TRPC4: variants seen among roughly 807,000 people sequenced by gnomAD.
The protein encoded by TRPC4 is transient receptor potential cation channel subfamily C member 4.
A neutral mutation model predicts 99.4 loss-of-function variants in TRPC4; 49 were observed. The observed-to-expected ratio is 0.49, with a 90% CI of 0.39 to 0.63. The LOEUF (loss-of-function observed/expected upper bound fraction) is 0.63, where lower values mean the gene tolerates loss of function less well. TRPC4 is among the 20% of genes least tolerant of loss of function. The pLI is 0.00. For synonymous variants in TRPC4, 454 were observed against 425.9 expected (o/e 1.07, Z -0.81); for missense variants, 898 against 1,152.9 (o/e 0.78, Z 3.20).
At chr13:37,639,481 T>C (rs1331672858) in intron 8 of TRPC4, among the ~76,000 whole-genome samples, 182 bp from the exon 9 acceptor site, 1 of 152,112 alleles carries the variant, frequency 6.6e-6, no homozygotes, top group African/African-American at 2.4e-5. Context: ...AACAAGAGTG[T>C]ATAATCTATA....
chr13:37,818,208 T>G (rs1957915451), intron 1 of TRPC4, among the ~76,000 whole-genome samples: 1 of 151,356 alleles, frequency 6.6e-6, no homozygotes, highest in South Asian at 2.1e-4. Flanking sequence ...ACAAAGGATG[T>G]AAACAGGCAC....
At chr13:37,735,338 T>C (rs1006829826) in intron 3 of TRPC4, among the ~76,000 whole-genome samples, 2 of 152,162 alleles carry the variant, frequency 1.3e-5, no homozygotes, top group Non-Finnish European at 2.9e-5. Flanking sequence ...AGACAATCTA[T>C]TGGCTTTCTG....
intron 1 of TRPC4, among the ~76,000 whole-genome samples, chr13:37,788,657 T>C (rs9576354): frequency 0.34 from 51,704 of 151,918 alleles, 10,698 homozygotes; most frequent in East Asian, 0.61. Flanking sequence ...AGCTGAAATA[T>C]TGATATGACC....
At chr13:37,697,600 T>C (rs1953950912) in intron 3 of TRPC4, among the ~76,000 whole-genome samples, 1 of 152,160 alleles carries the variant, frequency 6.6e-6, no homozygotes, top group Admixed American at 6.5e-5. Context: ...TGTGGCCATA[T>C]TTTGGGATAT....
At chr13:37,712,145 C>CA (rs1954507912) in intron 3 of TRPC4, among the ~76,000 whole-genome samples, 1 of 152,000 alleles carries the variant, frequency 6.6e-6, no homozygotes, top group Non-Finnish European at 1.5e-5. Flanking sequence ...TTAGAAATTT[C>CA]AAAAGAACCC....
At chr13:37,763,743 T>C (rs1251408082) in intron 2 of TRPC4, among the ~76,000 whole-genome samples, 2 of 151,730 alleles carry the variant, frequency 1.3e-5, no homozygotes, top group African/African-American at 2.4e-5. Context: ...GGATGAACCA[T>C]TGAATTTTAA....
chr13:37,698,023 T>C (rs902448476), intron 3 of TRPC4, among the ~76,000 whole-genome samples: 1 of 151,864 alleles, frequency 6.6e-6, no homozygotes, highest in East Asian at 1.9e-4. Flanking sequence ...ACAGTGGTGG[T>C]TCTCAAAATT....
At chr13:37,653,016 AT>A (rs1215464387) in intron 7 of TRPC4, among the ~76,000 whole-genome samples, 1 of 152,096 alleles carries the variant, frequency 6.6e-6, no homozygotes, top group East Asian at 1.9e-4. Context: ...TGGCTTAAGA[AT>A]CCTCTCTCCT....
intron 2 of TRPC4, among the ~76,000 whole-genome samples, chr13:37,780,166 C>T (rs1489368719): frequency 1.3e-5 from 2 of 152,068 alleles, no homozygotes; most frequent in African/African-American, 4.8e-5. Context: ...AATCTCACAG[C>T]TCCCATGACC....
chr13:37,641,363 T>C (rs1200113327), intron 8 of TRPC4, among the ~76,000 whole-genome samples: 3 of 152,208 alleles, frequency 2.0e-5, no homozygotes, highest in Non-Finnish European at 4.4e-5. Flanking sequence ...ACTAAGTTAA[T>C]GCGATTCATT....
chr13:37,637,662 T>G (rs1443083851), intron 10 of TRPC4, 37 bp from the exon 11 acceptor site: 3 of 1,531,516 alleles, frequency 2.0e-6, no homozygotes, highest in Non-Finnish European at 2.6e-6. Flanking sequence ...CGGTTATGAC[T>G]TAAACATTTG....
At chr13:37,640,030 T>A (rs1474539200) in intron 8 of TRPC4, among the ~76,000 whole-genome samples, 2 of 151,866 alleles carry the variant, frequency 1.3e-5, no homozygotes, top group Non-Finnish European at 2.9e-5. Flanking sequence ...AGTGAAATAA[T>A]AAATGACATT....
At chr13:37,786,193 T>C (rs1956963852) in intron 1 of TRPC4, among the ~76,000 whole-genome samples, 1 of 151,912 alleles carries the variant, frequency 6.6e-6, no homozygotes, top group Non-Finnish European at 1.5e-5. Context: ...TGTTAGGAAG[T>C]CTAGACAGAT....
intron 1 of TRPC4, among the ~76,000 whole-genome samples, chr13:37,866,521 C>A (rs542718247): frequency 4.3e-4 from 65 of 151,780 alleles, no homozygotes; most frequent in African/African-American, 1.5e-3. Flanking sequence ...AATGCGCATG[C>A]CTTTAATTTT....
intron 1 of TRPC4, among the ~76,000 whole-genome samples, chr13:37,868,394 C>CCAA (rs1178882447): frequency 6.6e-6 from 1 of 151,998 alleles, no homozygotes; most frequent in East Asian, 1.9e-4. Flanking sequence ...AATAGCAAAC[C>CCAA]CAACACAATG....
intron 6 of TRPC4, among the ~76,000 whole-genome samples, chr13:37,662,707 CTGTT>C (rs1487257626): frequency 1.3e-5 from 2 of 152,188 alleles, no homozygotes; most frequent in Admixed American, 6.5e-5. Context: ...GGTTAACCGT[CTGTT>C]TGTCACAGTG....
chr13:37,636,787 T>C lies in TRPC4; in HGVS notation c.*116A>G. 1 of 1,269,962 alleles carries C rather than the reference T, an allele frequency of 7.9e-7. No homozygotes were observed. The highest frequency in any genetic ancestry group is 1.1e-6 in the Non-Finnish European group (1 of 943,880). 78.7% of individuals were successfully genotyped at this position (1,269,962 alleles called of 1,614,324 possible). A position where few individuals can be genotyped will look rare whatever the true frequency, so the allele number is the denominator to read the frequency against. On this transcript the variant is annotated 3_prime_UTR_variant, in exon 11 of 11. Coordinates refer to ENST00000379705, the MANE Select transcript of TRPC4 (RefSeq NM_016179.4). Reference sequence around the variant, plus strand: ...CATGTTACAGGTAATATGCCACAGCTGATAAACGCTATAAAGTGTAAGTTA... The same window carrying C: ...CATGTTACAGGTAATATGCCACAGCCGATAAACGCTATAAAGTGTAAGTTA...
At chr13:37,819,160 T>C (rs908134292) in intron 1 of TRPC4, among the ~76,000 whole-genome samples, 2 of 151,908 alleles carry the variant, frequency 1.3e-5, no homozygotes, top group Non-Finnish European at 2.9e-5. Flanking sequence ...ATGGCTATTA[T>C]TAAAAAGCAA....
intron 5 of TRPC4, among the ~76,000 whole-genome samples, chr13:37,673,461 A>T (rs1952932894): frequency 1.7e-5 from 1 of 58,590 alleles, no homozygotes; most frequent in African/African-American, 5.8e-5. Context: ...ACCCAATTAG[A>T]TATTCTTTAT....
Sources: allele counts gnomAD v4.1 joint callset (sites outside exome capture counted in the v4.1 genomes callset), GRCh38; gene constraint gnomAD v4.1.1; transcripts MANE v1.5; gene names NCBI Gene and HGNC (gene_info 2026-07-23, HGNC 2026-07-21).